The following BEND7 variants were observed in gnomAD, a reference collection of about 807,000 sequenced individuals.
BEND7 encodes the protein BEN domain-containing protein 7.
BEND7 carries 28 observed loss-of-function variants against 50.9 expected under a neutral mutation model. The observed-to-expected ratio is 0.55, with a 90% CI of 0.41 to 0.75. The LOEUF is 0.75. BEND7 is among the 30% of genes least tolerant of loss of function. BEND7 has a pLI of 0.00. For synonymous variants in BEND7, 170 were observed against 183.9 expected (o/e 0.92, Z 0.61); for missense variants, 477 against 491.3 (o/e 0.97, Z 0.28).
chr10:13,487,116 T>C (rs1205868203), intron 5 of BEND7, among the ~76,000 whole-genome samples: 3 of 152,224 alleles, frequency 2.0e-5, no homozygotes, highest in Non-Finnish European at 2.9e-5. Context: ...AAAACAGCAA[T>C]ATAATTAACA....
intron 3 of BEND7, 35 bp from the exon 4 acceptor site, chr10:13,496,923 CA>C (rs2077059920): frequency 9.9e-6 from 8 of 807,616 alleles, no homozygotes; most frequent in Non-Finnish European, 1.2e-5. Context: ...ATACTCCAAA[CA>C]AACCAAAAAA....
At chr10:13,497,018 G>T in intron 3 of BEND7, 130 bp from the exon 4 acceptor site, 1 of 1,179,954 alleles carries the variant, frequency 8.5e-7, no homozygotes, top group Non-Finnish European at 1.1e-6. Context: ...TGATGAAGCT[G>T]TGCCTAAGGA....
chr10:13,501,881 TGTA>T, intron 2 of BEND7, among the ~76,000 whole-genome samples: 1 of 151,792 alleles, frequency 6.6e-6, no homozygotes, highest in African/African-American at 2.4e-5. Flanking sequence ...GGTATGTGTG[TGTA>T]AACATTCATG....
Position 13,441,654 on chromosome 10 carries a change from C to G in BEND7, c.*89G>C. The G allele has an allele frequency of 8.7e-6, 14 of 1,602,852 alleles. No individual in the cohort carries two copies. The highest frequency in any genetic ancestry group is 1.2e-5 in the Non-Finnish European group (14 of 1,175,752). ...GTCACCAATTAATCTTCTCCCTTCC[C>G]TTGGGTAGTAGCTCCTTGTGGGAGG... is the stretch of plus-strand genomic sequence containing the variant. On this transcript the variant is annotated 3_prime_UTR_variant, in exon 9 of 9. Transcript: ENST00000466271.
rs142145005 is a variant in BEND7, at chr10:13,447,526, C to T, written c.1184-210G>A. The stretch of plus-strand genomic sequence containing the variant: ...GATGGTGATATAAAATCAACTTTCC[C>T]GTATTAAAACTTTTTTTTTTTTTTT... On this transcript the variant is annotated intron_variant, in intron 7 of 8. Transcript: ENST00000466271. Among the ~76,000 whole-genome samples the T allele has an allele frequency of 2.6e-3, 384 of 149,766 alleles. 3 individuals carry two copies. The highest frequency in any genetic ancestry group is 8.8e-3 in the African/African-American group (361 of 40,902).
chr10:13,525,317 T>C (rs1322652616), intron 2 of BEND7, among the ~76,000 whole-genome samples: 1 of 152,200 alleles, frequency 6.6e-6, no homozygotes, highest in African/African-American at 2.4e-5. Flanking sequence ...CCAAAGTCTT[T>C]CCTGTACAGT....
At chr10:13,474,464 A>T (rs1034569462) in intron 6 of BEND7, among the ~76,000 whole-genome samples, 1 of 152,088 alleles carries the variant, frequency 6.6e-6, no homozygotes, top group African/African-American at 2.4e-5. Flanking sequence ...ACTCGGGTCA[A>T]TACCCGTCAT....
chr10:13,439,291 G>A, downstream of BEND7: 1 of 1,614,190 alleles, frequency 6.2e-7, no homozygotes, highest in Non-Finnish European at 8.5e-7. Context: ...AGGAATGAAT[G>A]GTGCTTGAAG....
downstream of BEND7, chr10:13,440,994 C>G (rs2130788666): frequency 1.6e-6 from 1 of 624,662 alleles, no homozygotes; most frequent in African/African-American, 2.0e-5. Context: ...GGGAGATCAT[C>G]AGAGTATTAA....
At chr10:13,489,442 G>A (rs531132002) in intron 5 of BEND7, among the ~76,000 whole-genome samples, 1 of 152,290 alleles carries the variant, frequency 6.6e-6, no homozygotes, top group South Asian at 2.1e-4. Flanking sequence ...AAGGGCAGAT[G>A]ACAGACCTGG....
intron 3 of BEND7, among the ~76,000 whole-genome samples, chr10:13,497,994 T>G (rs1284961438): frequency 2.6e-5 from 4 of 152,140 alleles, no homozygotes; most frequent in Admixed American, 1.3e-4. Context: ...AAAATTGTAA[T>G]GTTACAACTT....
At chr10:13,470,177 C>A (rs556496984) in intron 6 of BEND7, among the ~76,000 whole-genome samples, 1 of 152,180 alleles carries the variant, frequency 6.6e-6, no homozygotes, top group African/African-American at 2.4e-5. Flanking sequence ...AGATGGACCA[C>A]GCAGAAAACA....
At chr10:13,486,270 C>A (rs1230277877) in intron 5 of BEND7, among the ~76,000 whole-genome samples, 2 of 152,230 alleles carry the variant, frequency 1.3e-5, no homozygotes, top group African/African-American at 4.8e-5. Context: ...CTCAAGCAAT[C>A]CTCCTGCCTT....
rs185016207 is a variant in BEND7 at position 13,474,400 on chromosome 10, C to T, written c.1063+6499G>A. ...TTCCTCATGACTGTTAGACTCGGGG[C>T]TGATATCTGTCATGACTGTTAGACT... On this transcript the variant is annotated intron_variant, in intron 6 of 8. Transcript: ENST00000466271. 5.9e-5 allele frequency among the ~76,000 whole-genome samples: 9 copies of T among 151,764 alleles called. 1 individual carries two copies. The highest frequency in any genetic ancestry group is 9.7e-5 in the African/African-American group (4 of 41,322).
chr10:13,528,662 T>A lies in BEND7; in HGVS notation c.-129A>T. 2.5e-6 allele frequency: 1 copy of A among 397,174 alleles called. No individual in the cohort carries two copies. The highest frequency in any genetic ancestry group is 3.4e-6 in the Non-Finnish European group (1 of 296,748). 24.6% of individuals were successfully genotyped at this position (397,174 alleles called of 1,614,324 possible). A position where few individuals can be genotyped will look rare whatever the true frequency, so the allele number is the denominator to read the frequency against. On this transcript the variant is annotated 5_prime_UTR_variant, in exon 1 of 9. Transcript: ENST00000466271. ...AGCCGCCGGGACCAAGGTCCGCGCC[T>A]GGAGTCGGCGAGGGGAGGCCGCGGG... is the stretch of plus-strand genomic sequence containing the variant.
intron 5 of BEND7, among the ~76,000 whole-genome samples, chr10:13,491,837 C>T (rs1211889859): frequency 6.6e-6 from 1 of 152,156 alleles, no homozygotes; most frequent in East Asian, 1.9e-4. Context: ...GGATTCTCGT[C>T]CTATGCAATC....
At chr10:13,515,870 A>G (rs1289114270) in intron 2 of BEND7, among the ~76,000 whole-genome samples, 1 of 152,198 alleles carries the variant, frequency 6.6e-6, no homozygotes, top group Non-Finnish European at 1.5e-5. Context: ...TTACATTCAT[A>G]GAGAGTGCAT....
chr10:13,500,477 G>A (rs911621485), intron 2 of BEND7: 1 of 994,102 alleles, frequency 1.0e-6, no homozygotes, highest in Admixed American at 5.3e-5. Context: ...CCACCCGTGA[G>A]GAATGGGCAG....
intron 5 of BEND7, among the ~76,000 whole-genome samples, chr10:13,486,072 TCTCA>T (rs891580829): frequency 6.6e-6 from 1 of 152,192 alleles, no homozygotes; most frequent in African/African-American, 2.4e-5. Context: ...AGAGACACAG[TCTCA>T]CTATGTTGTC....
Sources: allele counts gnomAD v4.1 joint callset (sites outside exome capture counted in the v4.1 genomes callset), GRCh38; gene constraint gnomAD v4.1.1; transcripts MANE v1.5; gene names NCBI Gene and HGNC (gene_info 2026-07-23, HGNC 2026-07-21).